The following GRID2 variants were observed in gnomAD, a reference collection of about 807,000 sequenced individuals.
GRID2 encodes the protein glutamate receptor ionotropic, delta-2.
Under a neutral mutation model 114.8 loss-of-function variants are expected in GRID2, and 33 were observed. The ratio of observed to expected loss-of-function variants is 0.29; its 90% CI spans 0.22 to 0.38. The LOEUF is 0.38. GRID2 is among the 10% of genes least tolerant of loss of function. The pLI is 1.00. For missense variants in GRID2, 1,184 were observed against 1,257.7 expected (o/e 0.94, Z 0.89); for synonymous variants, 505 against 449.9 (o/e 1.12, Z -1.55).
At chr4:93,670,808 G>GA (rs1275436062) in intron 14 of GRID2, among the ~76,000 whole-genome samples, 1 of 152,178 alleles carries the variant, frequency 6.6e-6, no homozygotes, top group Non-Finnish European at 1.5e-5. Flanking sequence ...AATCTCATTT[G>GA]AAAATCACTG....
chr4:92,678,393 T>G (rs962567508), intron 2 of GRID2, among the ~76,000 whole-genome samples: 1 of 152,122 alleles, frequency 6.6e-6, no homozygotes, highest in African/African-American at 2.4e-5. Flanking sequence ...TTAAGTTAAA[T>G]GAATAATAAC....
At chr4:93,032,044 G>A (rs1311916418) in intron 2 of GRID2, among the ~76,000 whole-genome samples, 3 of 152,086 alleles carry the variant, frequency 2.0e-5, no homozygotes, top group South Asian at 2.1e-4. Flanking sequence ...ATTTAATAAA[G>A]AAGTAAGGAA....
At chr4:92,889,898 G>T (rs575990870) in intron 2 of GRID2, among the ~76,000 whole-genome samples, 1 of 152,184 alleles carries the variant, frequency 6.6e-6, no homozygotes, top group Admixed American at 6.5e-5. Flanking sequence ...AAACAGCATG[G>T]TACTGGTACC....
intron 2 of GRID2, among the ~76,000 whole-genome samples, chr4:92,632,273 A>AT (rs1472626805): frequency 1.2e-4 from 18 of 152,218 alleles, no homozygotes; most frequent in Non-Finnish European, 1.2e-4. Context: ...CAGTTTACCT[A>AT]TTTTTCCACT....
intron 13 of GRID2, among the ~76,000 whole-genome samples, chr4:93,619,560 A>G (rs968363288): frequency 7.2e-5 from 11 of 152,174 alleles, no homozygotes; most frequent in African/African-American, 2.4e-4. Context: ...AGGCCTTTTC[A>G]TTTTTATTTG....
intron 9 of GRID2, among the ~76,000 whole-genome samples, chr4:93,414,033 A>G (rs925592552): frequency 2.0e-5 from 3 of 152,172 alleles, no homozygotes; most frequent in African/African-American, 7.2e-5. Flanking sequence ...ATACTCTTCC[A>G]AAGACTGATG....
At chr4:93,410,065 A>G (rs1197534244) in intron 9 of GRID2, among the ~76,000 whole-genome samples, 1 of 152,180 alleles carries the variant, frequency 6.6e-6, no homozygotes, top group Admixed American at 6.5e-5. Context: ...TGTGAACTAT[A>G]TTATATACTT....
intron 2 of GRID2, among the ~76,000 whole-genome samples, chr4:92,754,521 G>A (rs1002806809): frequency 6.6e-6 from 1 of 152,128 alleles, no homozygotes; most frequent in Non-Finnish European, 1.5e-5. Context: ...TTTGTGAAAT[G>A]GCAGTGATGA....
At chr4:92,660,536 G>A (rs763860420) in intron 2 of GRID2, among the ~76,000 whole-genome samples, 2 of 151,152 alleles carry the variant, frequency 1.3e-5, no homozygotes, top group Non-Finnish European at 1.5e-5. Flanking sequence ...GCAAAATTCG[G>A]TAGTGTATTA....
In GRID2 at chr4:92,597,361, T is replaced by C. The variant is rs182025442; in HGVS notation, c.244+7075T>C. 2.8e-3 allele frequency among the ~76,000 whole-genome samples: 425 copies of C among 152,292 alleles called. 2 individuals carry two copies. The highest frequency in any genetic ancestry group is 0.014 in the Middle Eastern group (4 of 294). On this transcript the variant is annotated intron_variant, in intron 2 of 15. Coordinates refer to ENST00000282020, the MANE Select transcript of GRID2 (RefSeq NM_001510.4). ...TCCCTTACCTCATTTGATATCATACTCTTGAAGTAACAGGTCTCTACTACA... is the reference window on the plus strand; with the variant it reads ...TCCCTTACCTCATTTGATATCATACCCTTGAAGTAACAGGTCTCTACTACA...
At chr4:92,581,392 T>A (rs1024847381) in intron 1 of GRID2, among the ~76,000 whole-genome samples, 1 of 152,086 alleles carries the variant, frequency 6.6e-6, no homozygotes, top group Admixed American at 6.6e-5. Context: ...TGTGGATGAC[T>A]CAGCTTACCT....
intron 2 of GRID2, among the ~76,000 whole-genome samples, chr4:92,673,061 G>A (rs1029483566): frequency 2.0e-5 from 3 of 152,056 alleles, no homozygotes; most frequent in Admixed American, 6.6e-5. Context: ...AAGTGAGAAC[G>A]TGCAATATGT....
chr4:92,922,006 T>C (rs1749389316), intron 2 of GRID2, among the ~76,000 whole-genome samples: 1 of 152,194 alleles, frequency 6.6e-6, no homozygotes, highest in African/African-American at 2.4e-5. Context: ...CAGTTCAAGC[T>C]TCCTGGCCAC....
chr4:93,533,350 C>T (rs1459272869), intron 13 of GRID2, among the ~76,000 whole-genome samples: 1 of 132,688 alleles, frequency 7.5e-6, no homozygotes, highest in Non-Finnish European at 1.6e-5. Flanking sequence ...TGCCCTCCCT[C>T]CCTCCCTTCC....
At chr4:93,237,804 A>G (rs568982819) in intron 7 of GRID2, among the ~76,000 whole-genome samples, 3 of 152,020 alleles carry the variant, frequency 2.0e-5, no homozygotes, top group Admixed American at 2.0e-4. Context: ...CGTTAAGAGC[A>G]AAAACAGATT....
intron 2 of GRID2, among the ~76,000 whole-genome samples, chr4:92,593,337 A>G (rs1184678723): frequency 6.6e-6 from 1 of 151,998 alleles, no homozygotes. Context: ...AGCCACATTT[A>G]AGAGCTGGTT....
chr4:93,716,391 A>T (rs1344112629), intron 14 of GRID2, among the ~76,000 whole-genome samples: 1 of 152,186 alleles, frequency 6.6e-6, no homozygotes, highest in Non-Finnish European at 1.5e-5. Context: ...CCTCTAGGTC[A>T]GCTGTGCCAG....
intron 8 of GRID2, among the ~76,000 whole-genome samples, chr4:93,351,334 A>G (rs551473612): frequency 2.6e-5 from 4 of 152,062 alleles, no homozygotes; most frequent in Non-Finnish European, 5.9e-5. Flanking sequence ...CAGCACACAG[A>G]CAGTTGTTAG....
At chr4:92,441,218 C>T (rs3980263) in intron 1 of GRID2, among the ~76,000 whole-genome samples, 7 of 152,148 alleles carry the variant, frequency 4.6e-5, no homozygotes, top group South Asian at 2.1e-4. Context: ...AGAGATCGGT[C>T]GGACAAGATT....
Sources: allele counts gnomAD v4.1 joint callset (sites outside exome capture counted in the v4.1 genomes callset), GRCh38; gene constraint gnomAD v4.1.1; transcripts MANE v1.5; gene names NCBI Gene and HGNC (gene_info 2026-07-23, HGNC 2026-07-21).